MYO5A: variants seen among roughly 807,000 people sequenced by gnomAD.
MYO5A encodes the protein myosin VA.
MYO5A carries 98 observed loss-of-function variants against 249.7 expected under a neutral mutation model. That is an observed-to-expected ratio of 0.39 (90% CI 0.33 to 0.46). The LOEUF is 0.46. Ranked by LOEUF, MYO5A falls within the 20% of genes least tolerant of loss-of-function variation. MYO5A has a pLI of 0.98. For missense variants in MYO5A, 1,696 were observed against 2,308.8 expected, an observed-to-expected ratio of 0.73 and a Z score of 5.44; for synonymous variants, 778 against 810.6, an observed-to-expected ratio of 0.96 and a Z score of 0.68.
chr15:52,436,815 T>C, intron 1 of MYO5A, among the ~76,000 whole-genome samples: 1 of 135,222 alleles, frequency 7.4e-6, no homozygotes, highest in South Asian at 2.3e-4. Context: ...TTTTCTCTTA[T>C]TATTACCAAC....
At chr15:52,500,922 T>C (rs921911682) in intron 1 of MYO5A, among the ~76,000 whole-genome samples, 1 of 151,846 alleles carries the variant, frequency 6.6e-6, no homozygotes, top group African/African-American at 2.4e-5. Flanking sequence ...TTAAATATAT[T>C]ATAAAATATA....
At chr15:52,386,366 G>C (rs1486046384) in intron 14 of MYO5A, among the ~76,000 whole-genome samples, 1 of 152,010 alleles carries the variant, frequency 6.6e-6, no homozygotes, top group Non-Finnish European at 1.5e-5. Context: ...ACCTGTGAAT[G>C]TTCTGTTTCA....
chr15:52,489,382 G>A (rs1249255681), intron 1 of MYO5A, among the ~76,000 whole-genome samples: 6 of 152,010 alleles, frequency 3.9e-5, no homozygotes, highest in African/African-American at 1.4e-4. Context: ...GATTAACACA[G>A]TGAAACCCCG....
chr15:52,472,717 T>C (rs1423083926), intron 1 of MYO5A, among the ~76,000 whole-genome samples: 2 of 152,234 alleles, frequency 1.3e-5, no homozygotes, highest in Non-Finnish European at 2.9e-5. Context: ...ACGAAGGACA[T>C]GAACTCATCC....
At chr15:52,500,625 G>A (rs1461915678) in intron 1 of MYO5A, among the ~76,000 whole-genome samples, 1 of 152,140 alleles carries the variant, frequency 6.6e-6, no homozygotes, top group Non-Finnish European at 1.5e-5. Context: ...TGGGATTACA[G>A]GTGTGAGCCA....
chr15:52,316,824 A>G (rs537836019), intron 40 of MYO5A, among the ~76,000 whole-genome samples: 32 of 152,334 alleles, frequency 2.1e-4, no homozygotes, highest in African/African-American at 7.7e-4. Flanking sequence ...AGTACTCAAT[A>G]AATATTTGCT....
At chr15:52,429,173 C>G (rs1458786357) in intron 2 of MYO5A, among the ~76,000 whole-genome samples, 4 of 152,036 alleles carry the variant, frequency 2.6e-5, no homozygotes, top group Non-Finnish European at 4.4e-5. Flanking sequence ...CATATGTGTA[C>G]TTTTTTTGAG....
At chr15:52,465,068 G>A (rs949035099) in intron 1 of MYO5A, among the ~76,000 whole-genome samples, 6 of 152,208 alleles carry the variant, frequency 3.9e-5, no homozygotes, top group Admixed American at 3.3e-4. Context: ...TTAATGATGA[G>A]CACTAGAAGG....
At chr15:52,349,759 G>C (rs986856431) in intron 28 of MYO5A, among the ~76,000 whole-genome samples, 32 of 152,106 alleles carry the variant, frequency 2.1e-4, no homozygotes, top group African/African-American at 7.0e-4. Context: ...AAGGAATCTT[G>C]ATTTTGGACT....
rs185402652 is a variant in MYO5A, at chr15:52,437,660, C to T, written c.28-4375G>A. Reference sequence around the variant, plus strand: ...ATCATGAAATGACCTATCACCTTGACTGATGAAAACACAAAAAAGGAAAAT... The same window carrying T: ...ATCATGAAATGACCTATCACCTTGATTGATGAAAACACAAAAAAGGAAAAT... On this transcript the variant is annotated intron_variant, in intron 1 of 41. Coordinates refer to ENST00000399233, the MANE Select transcript of MYO5A (RefSeq NM_001382347.1). Among the ~76,000 whole-genome samples the T allele has an allele frequency of 1.1e-4, 16 of 149,348 alleles. No homozygotes were observed. The East Asian group carries it at 3.1e-3, about 29-fold the overall frequency.
chr15:52,364,458 T>C (rs1596347581), intron 24 of MYO5A, 96 bp downstream of exon 24: 1 of 1,183,472 alleles, frequency 8.4e-7, no homozygotes. Flanking sequence ...GGGTGGTAGG[T>C]ACACAGAAGA....
Position 52,360,026 on chromosome 15 carries a change from G to A in MYO5A, c.3365C>T (p.Ser1122Phe). The A allele has an allele frequency of 1.2e-6, 2 of 1,613,828 alleles. No homozygotes were observed. Among genetic ancestry groups the A allele is most frequent in the Non-Finnish European group, 1.7e-6 (2 of 1,179,838 alleles). The change falls in exon 25 of 42, where the codon TCT becomes TTT. Residue 1122 changes from serine (S) to phenylalanine (F), a missense_variant. Transcript: ENST00000399233. ...AATTTCAGAGCTAAAGATATATTCAGACTCGTTGCTGCTGTGGGTGGAGTC... is the reference window on the plus strand; with the variant it reads ...AATTTCAGAGCTAAAGATATATTCAAACTCGTTGCTGCTGTGGGTGGAGTC... Reference protein sequence around the residue: ...RTDSTHSSNESEYIFSSEIAE... With the variant: ...RTDSTHSSNEFEYIFSSEIAE...
intron 35 of MYO5A, among the ~76,000 whole-genome samples, chr15:52,329,632 T>C (rs1324026406): frequency 6.6e-6 from 1 of 152,210 alleles, no homozygotes; most frequent in Non-Finnish European, 1.5e-5. Flanking sequence ...CCTTGACCTA[T>C]TTAGTTGCAA....
At chr15:52,475,458 T>G (rs1200180821) in intron 1 of MYO5A, among the ~76,000 whole-genome samples, 1 of 152,230 alleles carries the variant, frequency 6.6e-6, no homozygotes, top group Non-Finnish European at 1.5e-5. Flanking sequence ...CTTGTTTCTC[T>G]AGTTCTTTTA....
At chr15:52,382,976 T>C in intron 16 of MYO5A, 115 bp downstream of exon 16, 1 of 896,574 alleles carries the variant, frequency 1.1e-6, no homozygotes, top group East Asian at 2.5e-5. Flanking sequence ...GCATGAAGAC[T>C]TACCCAAATA....
At position 52,428,607 on chromosome 15, in the gene MYO5A, G is replaced by A. The variant is rs1015814548; in HGVS notation, c.139-38C>T. 3 of 1,607,582 alleles carry A rather than the reference G, an allele frequency of 1.9e-6. No individual in the cohort carries two copies. In the African/African-American group the frequency reaches 4.0e-5, roughly 22 times the overall value. ...AAGGCACAGCATCTGGATGAATTAT[G>A]GCAAGGACTGTGAAAGAGGCCCATG... On this transcript the variant is annotated intron_variant, in intron 2 of 41. Coordinates refer to ENST00000399233, the MANE Select transcript of MYO5A (RefSeq NM_001382347.1).
At chr15:52,334,216 A>C (rs2039014389) in intron 34 of MYO5A, among the ~76,000 whole-genome samples, 1 of 152,256 alleles carries the variant, frequency 6.6e-6, no homozygotes, top group African/African-American at 2.4e-5. Flanking sequence ...AAAACTAATA[A>C]AAATTATGTA....
intron 40 of MYO5A, 66 bp downstream of exon 40, chr15:52,316,982 T>C (rs988811208): frequency 9.1e-6 from 14 of 1,541,206 alleles, no homozygotes; most frequent in East Asian, 2.2e-5. Flanking sequence ...AGAGGACTTC[T>C]TTACTTCCCT....
At position 52,378,752 on chromosome 15, in the gene MYO5A, A is replaced by C. The variant is rs145509430; in HGVS notation, c.2208+873T>G. Among the ~76,000 whole-genome samples, 287 of 152,244 alleles carry C rather than the reference A, an allele frequency of 1.9e-3. 1 individual carries two copies. The highest frequency in any genetic ancestry group is 6.3e-3 in the African/African-American group (263 of 41,560). ...AATATTATTTTAAAAACTTTTCATG[A>C]ATCTTTAATTCTCTAAGACCAAGAT... On this transcript the variant is annotated intron_variant, in intron 18 of 41. Coordinates refer to ENST00000399233, the MANE Select transcript of MYO5A (RefSeq NM_001382347.1).
Sources: gnomAD v4.1 joint callset for allele counts (sites outside exome capture counted in the v4.1 genomes callset) on GRCh38, gnomAD v4.1.1 for gene constraint, MANE v1.5 for transcripts, NCBI Gene and HGNC (gene_info 2026-07-23, HGNC 2026-07-21) for gene names.